PPARGC1A: variants seen among roughly 807,000 people sequenced by gnomAD.
The protein encoded by PPARGC1A is peroxisome proliferator-activated receptor gamma coactivator 1-alpha.
In PPARGC1A, 25 loss-of-function variants were observed where a neutral mutation model predicts 88.7. The observed-to-expected ratio is 0.28, with a 90% CI of 0.21 to 0.39. The LOEUF is 0.39. Ranked by LOEUF, PPARGC1A falls within the 10% of genes least tolerant of loss-of-function variation. The pLI, the probability that PPARGC1A is intolerant of heterozygous loss-of-function variation, is 1.00. For synonymous variants in PPARGC1A, 363 were observed against 355.6 expected (o/e 1.02, Z -0.24); for missense variants, 880 against 968.7 (o/e 0.91, Z 1.22).
chr4:24,002,620 T>C, the PPARGC1A span, among the ~76,000 whole-genome samples: 2 of 148,390 alleles, frequency 1.3e-5, no homozygotes, highest in African/African-American at 5.0e-5. Context: ...TTTTTTTTTT[T>C]AAGCAACGAT....
chr4:24,199,155 G>A, the PPARGC1A span, among the ~76,000 whole-genome samples: 7 of 152,146 alleles, frequency 4.6e-5, no homozygotes, highest in Non-Finnish European at 7.4e-5. Context: ...CTCAAGAACA[G>A]AAAGTTAACA....
the PPARGC1A span, among the ~76,000 whole-genome samples, chr4:24,371,353 A>G: frequency 2.6e-5 from 4 of 152,194 alleles, no homozygotes; most frequent in African/African-American, 9.7e-5. Context: ...TTGATCTATC[A>G]GGAACCATTT....
At chr4:24,372,608 G>A in the PPARGC1A span, among the ~76,000 whole-genome samples, 5 of 152,112 alleles carry the variant, frequency 3.3e-5, no homozygotes, top group South Asian at 2.1e-4. Flanking sequence ...TCCAGAGAAC[G>A]GCCCACACCA....
At chr4:24,051,052 G>T in the PPARGC1A span, among the ~76,000 whole-genome samples, 1 of 152,006 alleles carries the variant, frequency 6.6e-6, no homozygotes, top group Non-Finnish European at 1.5e-5. Context: ...GCCAGGCATG[G>T]TGGCGGGTGC....
At chr4:24,054,842 C>T in the PPARGC1A span, among the ~76,000 whole-genome samples, 1 of 152,108 alleles carries the variant, frequency 6.6e-6, no homozygotes, top group East Asian at 1.9e-4. Context: ...TTTAAGCAGG[C>T]AGTGGACTCC....
chr4:24,043,383 A>T, the PPARGC1A span, among the ~76,000 whole-genome samples: 1 of 152,196 alleles, frequency 6.6e-6, no homozygotes, highest in African/African-American at 2.4e-5. Context: ...TTTGAACTCT[A>T]CAGCCTGAGA....
At chr4:24,327,879 T>C in the PPARGC1A span, among the ~76,000 whole-genome samples, 17 of 152,152 alleles carry the variant, frequency 1.1e-4, no homozygotes, top group African/African-American at 2.9e-4. Context: ...TGCACGTGTA[T>C]GCCCAGATGG....
the PPARGC1A span, among the ~76,000 whole-genome samples, chr4:24,265,929 G>A: frequency 1.3e-5 from 2 of 151,920 alleles, no homozygotes; most frequent in Non-Finnish European, 2.9e-5. Flanking sequence ...AAGAGGGGGA[G>A]CACATGTGCA....
the PPARGC1A span, among the ~76,000 whole-genome samples, chr4:23,965,047 T>C: frequency 2.6e-5 from 4 of 152,166 alleles, no homozygotes; most frequent in Admixed American, 6.5e-5. Context: ...GGAGAAGTCA[T>C]TGGGACCATC....
chr4:24,136,681 C>A, the PPARGC1A span, among the ~76,000 whole-genome samples: 1 of 152,168 alleles, frequency 6.6e-6, no homozygotes. Context: ...TGTTTCCTCA[C>A]CTGAAAATTG....
intron 2 of PPARGC1A, among the ~76,000 whole-genome samples, chr4:23,878,317 T>C (rs1381056634): frequency 6.8e-6 from 1 of 146,034 alleles, no homozygotes; most frequent in East Asian, 2.0e-4. Flanking sequence ...CTTTGCAAAC[T>C]GCAAATGGCT....
At chr4:24,409,056 A>G in the PPARGC1A span, among the ~76,000 whole-genome samples, 1 of 152,222 alleles carries the variant, frequency 6.6e-6, no homozygotes, top group Admixed American at 6.5e-5. Flanking sequence ...TAAGGCTAAC[A>G]CTGGGAAGCT....
the PPARGC1A span, among the ~76,000 whole-genome samples, chr4:24,139,629 G>A: frequency 1.3e-5 from 2 of 152,012 alleles, no homozygotes; most frequent in South Asian, 2.1e-4. Flanking sequence ...CATTATCCCC[G>A]GACTTATTTC....
the PPARGC1A span, among the ~76,000 whole-genome samples, chr4:24,015,643 G>A: frequency 1.3e-5 from 2 of 152,238 alleles, no homozygotes; most frequent in Middle Eastern, 3.4e-3. Flanking sequence ...GTGTGTGCGT[G>A]TGTGTGAGTG....
chr4:24,449,560 G>A, the PPARGC1A span, among the ~76,000 whole-genome samples: 3 of 152,176 alleles, frequency 2.0e-5, no homozygotes, highest in African/African-American at 7.2e-5. Context: ...ACAATGCCTG[G>A]CACATGATAG....
chr4:23,929,554 A>T, the PPARGC1A span, among the ~76,000 whole-genome samples: 1 of 152,232 alleles, frequency 6.6e-6, no homozygotes, highest in African/African-American at 2.4e-5. Context: ...GTCCCTCTGC[A>T]GTAGCAAAGT....
At chr4:24,368,870 C>G in the PPARGC1A span, among the ~76,000 whole-genome samples, 1 of 152,124 alleles carries the variant, frequency 6.6e-6, no homozygotes, top group Non-Finnish European at 1.5e-5. Context: ...TGGCAATTTT[C>G]TTGTGGCCTG....
chr4:24,177,823 A>G, the PPARGC1A span, among the ~76,000 whole-genome samples: 16 of 152,242 alleles, frequency 1.1e-4, no homozygotes, highest in African/African-American at 3.1e-4. Flanking sequence ...AGAGACCAAC[A>G]GGAAAAGTGG....
the PPARGC1A span, among the ~76,000 whole-genome samples, chr4:24,055,127 A>C: frequency 6.6e-6 from 1 of 152,182 alleles, no homozygotes; most frequent in African/African-American, 2.4e-5. Context: ...AGAACCTGAG[A>C]TCTTTAACAC....
Sources: allele counts gnomAD v4.1 joint callset (sites outside exome capture counted in the v4.1 genomes callset), GRCh38; gene constraint gnomAD v4.1.1; transcripts MANE v1.5; gene names NCBI Gene and HGNC (gene_info 2026-07-23, HGNC 2026-07-21).